Variants in CACNG4 observed in about 807,000 individuals in gnomAD.
CACNG4 encodes the protein calcium voltage-gated channel auxiliary subunit gamma 4, also known as voltage-dependent calcium channel gamma-4 subunit.
A neutral mutation model predicts 22.9 loss-of-function variants in CACNG4; 8 were observed. The ratio of observed to expected loss-of-function variants is 0.35; its 90% CI spans 0.21 to 0.63. The LOEUF is 0.63. CACNG4 is among the 30% of genes least tolerant of loss of function. The probability of loss-of-function intolerance (pLI) is 0.72; values close to 1 mark genes in which losing one functional copy is unlikely to be tolerated. For synonymous variants in CACNG4, 188 were observed against 191.9 expected (o/e 0.98, Z 0.17); for missense variants, 357 against 455.4 (o/e 0.78, Z 1.97).
chr17:66,997,522 A>G (rs777710033), intron 1 of CACNG4, among the ~76,000 whole-genome samples: 2 of 152,140 alleles, frequency 1.3e-5, no homozygotes, highest in African/African-American at 2.4e-5. Flanking sequence ...TGCAAAGAGA[A>G]TGGTTAAAAC....
chr17:67,021,390 C>T (rs186047781), intron 2 of CACNG4, among the ~76,000 whole-genome samples: 17 of 152,340 alleles, frequency 1.1e-4, no homozygotes, highest in Non-Finnish European at 2.1e-4. Flanking sequence ...TCTGCGTGGG[C>T]GTGGAGCACC....
intron 1 of CACNG4, among the ~76,000 whole-genome samples, chr17:67,011,313 T>C (rs754792543): frequency 4.6e-5 from 7 of 152,106 alleles, no homozygotes; most frequent in Non-Finnish European, 7.4e-5. Flanking sequence ...ATCACGTATG[T>C]GAGCAGCCCC....
At position 67,024,924 on chromosome 17, in the gene CACNG4, G is replaced by A; in HGVS notation, c.369G>A (p.Leu123=). The A allele has an allele frequency of 6.2e-7, 1 of 1,606,872 alleles. No individual in the cohort carries two copies. The highest frequency in any genetic ancestry group is 8.5e-7 in the Non-Finnish European group (1 of 1,177,920). ...LSTILLLLGG[L]CIGAGRIYSR... ...CCATCCTGCTCCTGCTGGGTGGCCT[G>A]TGCATCGGTGCTGGCAGGATCTACA... is the stretch of plus-strand genomic sequence containing the variant. Residue 123 remains leucine (L), a synonymous_variant, in exon 3 of 4, where the codon CTG becomes CTA. Coordinates refer to ENST00000262138, the MANE Select transcript of CACNG4 (RefSeq NM_014405.4).
chr17:66,989,209 C>G (rs59892925), intron 1 of CACNG4, among the ~76,000 whole-genome samples: 6,353 of 151,192 alleles, frequency 0.042, 647 homozygotes, highest in African/African-American at 0.15. Flanking sequence ...GCCCTGATGC[C>G]TGGAACCTGG....
chr17:66,964,814 C>A lies in CACNG4; in HGVS notation c.-98C>A. ...GCGGCGCCGCCCCCCGGCCCTCGGCCCCCCAACCCCGGCGCCCCCGGAGCG... is the reference window on the plus strand; with the variant it reads ...GCGGCGCCGCCCCCCGGCCCTCGGCACCCCAACCCCGGCGCCCCCGGAGCG... On this transcript the variant is annotated 5_prime_UTR_variant, in exon 1 of 4. Transcript: ENST00000262138. The A allele has an allele frequency of 1.3e-5, 7 of 530,950 alleles. No individual in the cohort carries two copies. The highest frequency in any genetic ancestry group is 1.7e-5 in the Non-Finnish European group (7 of 416,216). The allele number at this position is 530,950 out of a possible 1,614,324, so 32.9% of individuals were successfully genotyped here. A position where few individuals can be genotyped will look rare whatever the true frequency, so the allele number is the denominator to read the frequency against.
At position 67,032,078 on chromosome 17, in the gene CACNG4, C is replaced by CT. The variant is rs1484047556; in HGVS notation, c.*1076dup. 2.3e-6 allele frequency: 1 copy of CT among 426,556 alleles called. No individual in the cohort carries two copies. Among genetic ancestry groups the CT allele is most frequent in the Non-Finnish European group, 4.7e-6 (1 of 213,736 alleles). 26.4% of individuals were successfully genotyped at this position (426,556 alleles called of 1,614,324 possible). A position where few individuals can be genotyped will look rare whatever the true frequency, so the allele number is the denominator to read the frequency against. ...GAGCAACTTACCTTCATTTCTTTGT[C>CT]TTAAAAAGTAGCAGCAACTGGCCCC... On this transcript the variant is annotated 3_prime_UTR_variant, in exon 4 of 4. Coordinates refer to ENST00000262138, the MANE Select transcript of CACNG4 (RefSeq NM_014405.4).
intron 1 of CACNG4, among the ~76,000 whole-genome samples, chr17:66,983,100 C>T (rs570669689): frequency 3.3e-5 from 5 of 152,248 alleles, no homozygotes; most frequent in East Asian, 1.9e-4. Flanking sequence ...TCTCTTCATT[C>T]GGCTATACCT....
rs398119962 is a variant in CACNG4 at position 67,030,155 on chromosome 17, GT to G, written c.446-310del. 5.5e-5 allele frequency among the ~76,000 whole-genome samples: 6 copies of G among 109,202 alleles called. No homozygotes were observed. The South Asian group carries it at 7.1e-4, about 13-fold the overall frequency. The allele number at this position is 109,202 out of a possible 152,430, so 71.6% of individuals were successfully genotyped here. The stretch of plus-strand genomic sequence containing the variant: ...ACTGTGCAAAGGAAATAATAGGGGT[GT>G]GTGTGTGTGTGTGTGTGAAGAGAGA... On this transcript the variant is annotated intron_variant, in intron 3 of 3. Coordinates refer to ENST00000262138, the MANE Select transcript of CACNG4 (RefSeq NM_014405.4). The surrounding 1 kb of genome is among the most constrained non-coding windows in gnomAD (Gnocchi z 6.4).
chr17:66,981,069 C>A (rs574012990), intron 1 of CACNG4, among the ~76,000 whole-genome samples: 1 of 152,318 alleles, frequency 6.6e-6, no homozygotes, highest in South Asian at 2.1e-4. Context: ...AACAATCCCT[C>A]ACTCTTTGTG....
At chr17:67,025,299 T>C (rs1248866699) in intron 3 of CACNG4, among the ~76,000 whole-genome samples, 1 of 152,240 alleles carries the variant, frequency 6.6e-6, no homozygotes, top group Non-Finnish European at 1.5e-5. Flanking sequence ...ACTTTTATCT[T>C]GCATGAATTT....
In CACNG4 at chr17:67,027,131, C is replaced by T. The variant is rs117360288; in HGVS notation, c.445+2131C>T. Among the ~76,000 whole-genome samples the T allele has an allele frequency of 0.02, 3,066 of 152,324 alleles. 34 individuals carry two copies. The highest frequency in any genetic ancestry group is 0.03 in the Non-Finnish European group (2,035 of 68,016). ...TGCTCCTGCGGAGGAGGCACACAGG[C>T]GGTCCAGCAGCTCAGGTGGCTTCCT... On this transcript the variant is annotated intron_variant, in intron 3 of 3. Coordinates refer to ENST00000262138, the MANE Select transcript of CACNG4 (RefSeq NM_014405.4). The surrounding 1 kb of genome is among the most constrained non-coding windows in gnomAD (Gnocchi z 4.3).
intron 1 of CACNG4, among the ~76,000 whole-genome samples, chr17:66,967,438 A>G (rs1211617708): frequency 3.3e-5 from 5 of 152,246 alleles, no homozygotes; most frequent in Non-Finnish European, 7.4e-5. Flanking sequence ...AGCTTTTCTC[A>G]TAAAAAGCAC....
chr17:66,994,499 T>A (rs2035361864), intron 1 of CACNG4, among the ~76,000 whole-genome samples: 2 of 152,144 alleles, frequency 1.3e-5, no homozygotes, highest in Non-Finnish European at 2.9e-5. Flanking sequence ...ACAGAGGGAT[T>A]AAGCAAGCAG....
chr17:66,986,837 A>C (rs141671324), intron 1 of CACNG4, among the ~76,000 whole-genome samples: 1 of 152,322 alleles, frequency 6.6e-6, no homozygotes, highest in African/African-American at 2.4e-5. Flanking sequence ...AACACCAGTC[A>C]TACTGGATTA....
chr17:67,023,258 G>A (rs2035542579), intron 2 of CACNG4, among the ~76,000 whole-genome samples: 1 of 145,816 alleles, frequency 6.9e-6, no homozygotes, highest in South Asian at 2.2e-4. Context: ...AGTCACATCT[G>A]CAAGACCTCT....
chr17:67,010,243 G>A (rs2035461062), intron 1 of CACNG4, among the ~76,000 whole-genome samples: 1 of 152,178 alleles, frequency 6.6e-6, no homozygotes, highest in Non-Finnish European at 1.5e-5. Flanking sequence ...CATCCCCGCT[G>A]CTTCAGCATC....
chr17:67,010,250 C>T (rs1297655162), intron 1 of CACNG4, among the ~76,000 whole-genome samples: 2 of 152,222 alleles, frequency 1.3e-5, no homozygotes, highest in South Asian at 4.1e-4. Flanking sequence ...GCTGCTTCAG[C>T]ATCTCTGCCT....
intron 3 of CACNG4, among the ~76,000 whole-genome samples, chr17:67,028,135 T>C (rs1399402520): frequency 6.6e-6 from 1 of 152,082 alleles, no homozygotes; most frequent in African/African-American, 2.4e-5. Flanking sequence ...ACTGGTGTGC[T>C]CAGGGCAGGA....
intron 1 of CACNG4, among the ~76,000 whole-genome samples, chr17:66,999,694 C>A (rs1308606019): frequency 6.6e-6 from 1 of 152,190 alleles, no homozygotes; most frequent in Non-Finnish European, 1.5e-5. Context: ...CCTCCTTCAA[C>A]ACATGGGGAT....
Sources: allele counts gnomAD v4.1 joint callset (sites outside exome capture counted in the v4.1 genomes callset), GRCh38; gene constraint gnomAD v4.1.1; non-coding constraint Gnocchi (gnomAD v3.1); transcripts MANE v1.5; gene names NCBI Gene and HGNC (gene_info 2026-07-23, HGNC 2026-07-21).